The following MAP2 variants were observed in gnomAD, a reference collection of about 807,000 sequenced individuals.
The protein encoded by MAP2 is microtubule-associated protein 2.
In MAP2, 14 loss-of-function variants were observed where a neutral mutation model predicts 137.6. That is an observed-to-expected ratio of 0.10 (90% CI 0.07 to 0.16). The LOEUF (loss-of-function observed/expected upper bound fraction) is 0.16. Among genes scored for constraint, MAP2 ranks in the 10% least tolerant of loss-of-function variants. The pLI is 1.00. For synonymous variants in MAP2, 786 were observed against 782.3 expected (o/e 1.00, Z -0.08); for missense variants, 2,088 against 2,191.5 (o/e 0.95, Z 0.94).
At chr2:209,547,540 C>T (rs1466898219) in intron 2 of MAP2, among the ~76,000 whole-genome samples, 1 of 152,066 alleles carries the variant, frequency 6.6e-6, no homozygotes, top group East Asian at 1.9e-4. Context: ...AGTGACATTG[C>T]TAATAAAAAT....
chr2:209,546,368 T>C (rs1400956397), intron 2 of MAP2, among the ~76,000 whole-genome samples: 1 of 152,210 alleles, frequency 6.6e-6, no homozygotes, highest in African/African-American at 2.4e-5. Flanking sequence ...TAATGCTACA[T>C]ATAACAAATA....
intron 1 of MAP2, among the ~76,000 whole-genome samples, chr2:209,453,833 G>A (rs893416634): frequency 3.9e-5 from 6 of 151,970 alleles, no homozygotes; most frequent in African/African-American, 1.4e-4. Flanking sequence ...GGCACTATAT[G>A]ATAACCTTTC....
intron 1 of MAP2, among the ~76,000 whole-genome samples, chr2:209,475,636 T>C (rs1056570533): frequency 1.3e-5 from 2 of 152,118 alleles, no homozygotes; most frequent in Admixed American, 6.5e-5. Flanking sequence ...CCATTTTTTG[T>C]TTGAAGAGCA....
chr2:209,678,697 G>T lies in MAP2; in HGVS notation c.376+12G>T, dbSNP rs2053090645. On this transcript the variant is annotated intron_variant, in intron 6 of 15. Transcript: ENST00000682079. ...AGCTCTGCCTTTAGGTAAATAAGAA[G>T]ATTCTCAGGTCAGGGACTGTGTCTG... 6.6e-7 allele frequency: 1 copy of T among 1,526,544 alleles called. No homozygotes were observed. Among genetic ancestry groups the T allele is most frequent in the African/African-American group, 1.4e-5 (1 of 72,298 alleles). 94.6% of individuals were successfully genotyped at this position (1,526,544 alleles called of 1,614,324 possible). A position where few individuals can be genotyped will look rare whatever the true frequency, so the allele number is the denominator to read the frequency against.
At chr2:209,646,612 ACCTAC>A (rs1238833368) in intron 4 of MAP2, among the ~76,000 whole-genome samples, 1 of 152,186 alleles carries the variant, frequency 6.6e-6, no homozygotes, top group Non-Finnish European at 1.5e-5. Flanking sequence ...TGGCTAAAAG[ACCTAC>A]CCATCAGCTA....
At chr2:209,621,927 T>C (rs1346103894) in intron 3 of MAP2, among the ~76,000 whole-genome samples, 8 of 152,228 alleles carry the variant, frequency 5.3e-5, no homozygotes, top group Non-Finnish European at 1.2e-4. Context: ...ACTTCGTTTA[T>C]AGCTGAACAA....
intron 1 of MAP2, among the ~76,000 whole-genome samples, chr2:209,478,382 C>T (rs1213484890): frequency 2.0e-5 from 3 of 152,098 alleles, no homozygotes; most frequent in Non-Finnish European, 4.4e-5. Flanking sequence ...TGTGAGTTAA[C>T]GCATCCAAAG....
chr2:209,637,453 G>C (rs1438067673), intron 4 of MAP2, among the ~76,000 whole-genome samples: 2 of 151,846 alleles, frequency 1.3e-5, no homozygotes, highest in Non-Finnish European at 2.9e-5. Flanking sequence ...GATGAGATAA[G>C]ACAAGATAAG....
At chr2:209,702,321 TC>T in intron 11 of MAP2, among the ~76,000 whole-genome samples, 1 of 152,022 alleles carries the variant, frequency 6.6e-6, no homozygotes, top group East Asian at 1.9e-4. Context: ...CTTCATTCTT[TC>T]TTTTTTTCTC....
chr2:209,572,829 C>T (rs565976591), intron 2 of MAP2, among the ~76,000 whole-genome samples: 1 of 152,220 alleles, frequency 6.6e-6, no homozygotes, highest in South Asian at 2.1e-4. Context: ...CTATGAAAAA[C>T]AAAAGACAGC....
Position 209,547,516 on chromosome 2 carries a change from C to A in MAP2, c.-171-32520C>A, listed in dbSNP as rs548813801. ...CGGCAGATTGTAAAGTTTGAAAGAT[C>A]TAACAAAGAAAAAAGTGACATTGCT... On this transcript the variant is annotated intron_variant, in intron 2 of 15. Coordinates refer to ENST00000682079, the MANE Select transcript of MAP2 (RefSeq NM_001375505.1). 1.8e-3 allele frequency among the ~76,000 whole-genome samples: 267 copies of A among 152,074 alleles called. 1 individual carries two copies. The highest frequency in any genetic ancestry group is 3.1e-3 in the Non-Finnish European group (208 of 67,992).
intron 1 of MAP2, among the ~76,000 whole-genome samples, chr2:209,481,368 C>T (rs1331110215): frequency 6.6e-6 from 1 of 152,194 alleles, no homozygotes; most frequent in Non-Finnish European, 1.5e-5. Context: ...GGAAGGCAAT[C>T]TCTGAAGGGG....
intron 11 of MAP2, among the ~76,000 whole-genome samples, chr2:209,703,428 T>TA (rs1173862881): frequency 6.6e-6 from 1 of 152,128 alleles, no homozygotes; most frequent in Non-Finnish European, 1.5e-5. Flanking sequence ...AAAGGAATAA[T>TA]TCCAGCAGAT....
At position 209,694,967 on chromosome 2, in the gene MAP2, A is replaced by G; in HGVS notation, c.2797A>G (p.Lys933Glu). ...AGTCAAAGATGAGTTCAGTGTTGAC[A>G]AAGAAGCATCCGCGCATATCTCTGG... ...GRVKDEFSVD[K>E]EASAHISGDK... The change falls in exon 8 of 16, where the codon AAA (lysine) becomes GAA (glutamate). Residue 933 changes from lysine to glutamate, a missense_variant. Transcript: ENST00000682079. 3 of 1,614,216 alleles carry G rather than the reference A, an allele frequency of 1.9e-6. No homozygotes were observed. Among genetic ancestry groups the G allele is most frequent in the Non-Finnish European group, 2.5e-6 (3 of 1,180,038 alleles).
intron 2 of MAP2, among the ~76,000 whole-genome samples, chr2:209,531,353 T>C (rs1286719720): frequency 1.3e-5 from 2 of 152,216 alleles, no homozygotes; most frequent in Non-Finnish European, 2.9e-5. Context: ...CCTCATTATT[T>C]AATAGCATAG....
intron 1 of MAP2, among the ~76,000 whole-genome samples, chr2:209,449,904 T>C (rs1486010070): frequency 6.6e-6 from 1 of 152,156 alleles, no homozygotes; most frequent in Non-Finnish European, 1.5e-5. Flanking sequence ...ATAGGGAATT[T>C]TTTAAGTCAC....
intron 1 of MAP2, among the ~76,000 whole-genome samples, chr2:209,462,723 A>C (rs1703130636): frequency 6.6e-6 from 1 of 152,200 alleles, no homozygotes; most frequent in African/African-American, 2.4e-5. Flanking sequence ...AACTAGTCTA[A>C]TTATGACTAG....
At chr2:209,608,824 G>T (rs1017023246) in intron 3 of MAP2, among the ~76,000 whole-genome samples, 2 of 151,852 alleles carry the variant, frequency 1.3e-5, no homozygotes, top group Non-Finnish European at 2.9e-5. Flanking sequence ...TCTCTGTTGT[G>T]TGCCAACAAC....
chr2:209,511,000 A>G (rs1159188510), intron 2 of MAP2, among the ~76,000 whole-genome samples: 1 of 152,076 alleles, frequency 6.6e-6, no homozygotes, highest in Non-Finnish European at 1.5e-5. Context: ...GGTACTGCTC[A>G]ACAAGTGACA....
Sources: allele counts gnomAD v4.1 joint callset (sites outside exome capture counted in the v4.1 genomes callset), GRCh38; gene constraint gnomAD v4.1.1; transcripts MANE v1.5; gene names NCBI Gene and HGNC (gene_info 2026-07-23, HGNC 2026-07-21).